SLC1A2: variants seen among roughly 807,000 people sequenced by gnomAD.
SLC1A2 encodes the protein excitatory amino acid transporter 2.
Under a neutral mutation model 48.8 loss-of-function variants are expected in SLC1A2, and 15 were observed. The observed-to-expected ratio is 0.31, with a 90% CI of 0.21 to 0.47. The LOEUF is 0.47. SLC1A2 is among the 20% of genes least tolerant of loss of function. SLC1A2 has a pLI of 0.99. For synonymous variants in SLC1A2, 279 were observed against 272.6 expected (o/e 1.02, Z -0.23); for missense variants, 502 against 730.5 (o/e 0.69, Z 3.61).
chr11:35,364,454 T>G (rs1350842725), intron 1 of SLC1A2, among the ~76,000 whole-genome samples: 1 of 152,214 alleles, frequency 6.6e-6, no homozygotes, highest in Non-Finnish European at 1.5e-5. Flanking sequence ...ATTTACCCAG[T>G]AGTAGCTACA....
chr11:35,278,690 G>A (rs749751572), intron 9 of SLC1A2, among the ~76,000 whole-genome samples: 7 of 152,086 alleles, frequency 4.6e-5, no homozygotes, highest in African/African-American at 7.2e-5. Flanking sequence ...GGAAGGGTGG[G>A]AGTGGGAAGC....
chr11:35,308,141 T>C (rs1851570428), intron 4 of SLC1A2, among the ~76,000 whole-genome samples: 2 of 152,180 alleles, frequency 1.3e-5, no homozygotes, highest in African/African-American at 4.8e-5. Flanking sequence ...TCTAAATGAA[T>C]GGTGGCTGTC....
At chr11:35,331,303 G>C (rs879436199) in intron 1 of SLC1A2, among the ~76,000 whole-genome samples, 1 of 152,170 alleles carries the variant, frequency 6.6e-6, no homozygotes, top group African/African-American at 2.4e-5. Flanking sequence ...CATCGCCCAT[G>C]GAAGCCTTTC....
chr11:35,309,115 C>A (rs945586798), intron 4 of SLC1A2, among the ~76,000 whole-genome samples: 5 of 152,212 alleles, frequency 3.3e-5, no homozygotes, highest in African/African-American at 1.2e-4. Context: ...GATCCCCTAT[C>A]CTCTCAGCTG....
At chr11:35,305,407 C>A (rs1050690889) in intron 5 of SLC1A2, among the ~76,000 whole-genome samples, 1 of 152,140 alleles carries the variant, frequency 6.6e-6, no homozygotes, top group Non-Finnish European at 1.5e-5. Context: ...AAATGAGGCT[C>A]AGAGAAATGG....
At chr11:35,294,533 C>T (rs1278210248) in intron 6 of SLC1A2, among the ~76,000 whole-genome samples, 2 of 152,162 alleles carry the variant, frequency 1.3e-5, no homozygotes, top group Non-Finnish European at 2.9e-5. Context: ...CAGAATGAAC[C>T]TTCCTATAAA....
At chr11:35,375,903 A>C (rs1590244559) in intron 1 of SLC1A2, among the ~76,000 whole-genome samples, 1 of 152,242 alleles carries the variant, frequency 6.6e-6, no homozygotes, top group Non-Finnish European at 1.5e-5. Context: ...AGACTAGGAC[A>C]TCAAGGCACA....
intron 10 of SLC1A2, 187 bp downstream of exon 10, chr11:35,265,340 T>C (rs1950463208): frequency 1.8e-6 from 1 of 571,278 alleles, no homozygotes; most frequent in Non-Finnish European, 3.1e-6. Context: ...ATCAGACTTG[T>C]TGATTTCCTG....
At chr11:35,403,960 A>AG (rs1855209524) in intron 1 of SLC1A2, among the ~76,000 whole-genome samples, 1 of 34,626 alleles carries the variant, frequency 2.9e-5, no homozygotes, top group Non-Finnish European at 7.3e-5. Flanking sequence ...GTCCTCTCTA[A>AG]GCAAACATAT....
intron 1 of SLC1A2, among the ~76,000 whole-genome samples, chr11:35,336,293 C>A (rs1373822633): frequency 6.6e-6 from 1 of 151,952 alleles, no homozygotes; most frequent in Non-Finnish European, 1.5e-5. Context: ...AACAAACCTG[C>A]ACATCCTGCA....
At chr11:35,373,580 G>C (rs917328403) in intron 1 of SLC1A2, among the ~76,000 whole-genome samples, 1 of 152,214 alleles carries the variant, frequency 6.6e-6, no homozygotes, top group Non-Finnish European at 1.5e-5. Context: ...ACGCAGGAAA[G>C]ACCCCAGAAA....
At chr11:35,354,584 T>C (rs193299308) in intron 1 of SLC1A2, among the ~76,000 whole-genome samples, 11 of 152,308 alleles carry the variant, frequency 7.2e-5, no homozygotes, top group East Asian at 3.9e-4. Flanking sequence ...CAGGGGCAAT[T>C]TTGTAATGTC....
chr11:35,340,029 C>T (rs970244942), intron 1 of SLC1A2, among the ~76,000 whole-genome samples: 10 of 152,176 alleles, frequency 6.6e-5, no homozygotes, highest in African/African-American at 2.4e-4. Context: ...GACCAAAACC[C>T]CATTTCCTCA....
chr11:35,402,940 C>T (rs145648370), intron 1 of SLC1A2, among the ~76,000 whole-genome samples: 2 of 152,352 alleles, frequency 1.3e-5, no homozygotes, highest in Non-Finnish European at 2.9e-5. Context: ...CTAATCTTAT[C>T]ACCTGTGGCT....
intron 5 of SLC1A2, among the ~76,000 whole-genome samples, chr11:35,303,070 G>T (rs939517168): frequency 4.0e-5 from 6 of 151,274 alleles, no homozygotes; most frequent in Admixed American, 3.3e-4. Flanking sequence ...CTAATTTCCA[G>T]TCCCTCCCTA....
At chr11:35,383,551 C>T (rs1002683861) in intron 1 of SLC1A2, among the ~76,000 whole-genome samples, 5 of 152,042 alleles carry the variant, frequency 3.3e-5, no homozygotes, top group African/African-American at 7.3e-5. Flanking sequence ...GGCAAGTTAC[C>T]CAGATTCTCT....
intron 1 of SLC1A2, among the ~76,000 whole-genome samples, chr11:35,355,795 G>A (rs1853436181): frequency 6.6e-6 from 1 of 150,962 alleles, no homozygotes; most frequent in Non-Finnish European, 1.5e-5. Context: ...TGAGGCAGGA[G>A]AATCACTTGA....
intron 6 of SLC1A2, among the ~76,000 whole-genome samples, chr11:35,297,593 T>TA (rs1455202217): frequency 1.3e-5 from 2 of 152,220 alleles, no homozygotes. Context: ...TTTATGTTTT[T>TA]ATAGGGGTGA....
At chr11:35,319,369 A>C (rs1363949627) in intron 1 of SLC1A2, among the ~76,000 whole-genome samples, 6 of 152,192 alleles carry the variant, frequency 3.9e-5, no homozygotes, top group African/African-American at 1.4e-4. Flanking sequence ...TGAAGCTCTA[A>C]ACCAGGAAAT....
Sources: allele counts gnomAD v4.1 joint callset (sites outside exome capture counted in the v4.1 genomes callset), GRCh38; gene constraint gnomAD v4.1.1; transcripts MANE v1.5; gene names NCBI Gene and HGNC (gene_info 2026-07-23, HGNC 2026-07-21).